Variants in DYDC1 observed in about 807,000 individuals in gnomAD.
DYDC1 encodes DPY30 domain containing 1.
A neutral mutation model predicts 27.9 loss-of-function variants in DYDC1; 21 were observed. The ratio of observed to expected loss-of-function variants is 0.75; its 90% CI spans 0.53 to 1.08. The LOEUF (loss-of-function observed/expected upper bound fraction) is 1.08. Among genes scored for constraint, DYDC1 ranks in the 50% least tolerant of loss-of-function variants. DYDC1 has a pLI of 0.00. For missense variants in DYDC1, 202 were observed against 205.9 expected (o/e 0.98, Z 0.12); for synonymous variants, 67 against 65.8 (o/e 1.02, Z -0.09).
intron 3 of DYDC1, among the ~76,000 whole-genome samples, chr10:80,348,983 C>T (rs78878478): frequency 0.032 from 4,888 of 152,254 alleles, 258 homozygotes; most frequent in African/African-American, 0.11. Flanking sequence ...GCTCCGCCTC[C>T]TGGGTTCGCG....
intron 1 of DYDC1, among the ~76,000 whole-genome samples, chr10:80,353,499 G>A (rs571334178): frequency 2.0e-5 from 3 of 151,518 alleles, no homozygotes; most frequent in African/African-American, 7.3e-5. Context: ...GAAAAATGGA[G>A]CAACCAATCT....
At chr10:80,349,254 G>C (rs899198264) in intron 3 of DYDC1, among the ~76,000 whole-genome samples, 3 of 152,150 alleles carry the variant, frequency 2.0e-5, no homozygotes, top group Non-Finnish European at 2.9e-5. Context: ...CTTCAACCAA[G>C]TGAAATGTTA....
At chr10:80,344,800 C>A in intron 3 of DYDC1, 1 of 283,788 alleles carries the variant, frequency 3.5e-6, no homozygotes, top group East Asian at 1.4e-4. Context: ...TGAGACCTCC[C>A]CAGCAATGTG....
intron 3 of DYDC1, among the ~76,000 whole-genome samples, chr10:80,345,800 T>TATACATATATGTG (rs1425675201): frequency 6.6e-6 from 1 of 152,236 alleles, no homozygotes; most frequent in Admixed American, 6.5e-5. Flanking sequence ...TTCTTTTATA[T>TATACATATATGTG]ATACATATAT....
chr10:80,336,245 A>T (rs1842132252), intron 6 of DYDC1, 60 bp from the exon 7 acceptor site: 1 of 1,503,282 alleles, frequency 6.7e-7, no homozygotes. Context: ...AAAAGGCACA[A>T]GCCAAAGAAA....
In DYDC1 at chr10:80,336,174, G is replaced by A; in HGVS notation, c.516C>T (p.Asn172=). 6 of 1,563,536 alleles carry A rather than the reference G, an allele frequency of 3.8e-6. No individual in the cohort carries two copies. The highest frequency in any genetic ancestry group is 5.2e-6 in the Non-Finnish European group (6 of 1,150,648). Residue 172 remains asparagine (N), a synonymous_variant, in exon 7 of 7, where the codon AAC becomes AAT. Coordinates refer to ENST00000372202, the MANE Select transcript of DYDC1 (RefSeq NM_001269053.2). ...GTTGGTCCTACAAATCTTGATCAATGTTTAATGCAATCTAAAAGCAAAACA... is the reference window on the plus strand; with the variant it reads ...GTTGGTCCTACAAATCTTGATCAATATTTAATGCAATCTAAAAGCAAAACA... ...DEPMFSDIAL[N]IDQDL
At chr10:80,350,047 T>G (rs1321829216) in intron 3 of DYDC1, among the ~76,000 whole-genome samples, 1 of 152,206 alleles carries the variant, frequency 6.6e-6, no homozygotes, top group Non-Finnish European at 1.5e-5. Flanking sequence ...GAGGCCTCTC[T>G]GTTTTTCTTC....
intron 3 of DYDC1, among the ~76,000 whole-genome samples, chr10:80,350,016 A>G (rs890765823): frequency 1.3e-5 from 2 of 152,090 alleles, no homozygotes; most frequent in African/African-American, 4.8e-5. Flanking sequence ...CCTCCAGCTT[A>G]CATGACTCAG....
Position 80,352,581 on chromosome 10 carries a change from T to A in DYDC1, c.21A>T (p.Gln7His), listed in dbSNP as rs1564666987. MESIYLQKHLGACLTQG... is the reference protein window; with the variant it reads MESIYLHKHLGACLTQG... Reference sequence around the variant, plus strand: ...GAGTTAAACAGGCCCCAAGGTGCTTTTGAAGATATATTGACTCCATTTCTA... The same window carrying A: ...GAGTTAAACAGGCCCCAAGGTGCTTATGAAGATATATTGACTCCATTTCTA... Residue 7 changes from glutamine (Q) to histidine (H), a missense_variant, in exon 2 of 7, where the codon CAA (glutamine) becomes CAT (histidine). By Grantham distance (24) the Gln-to-His change is conservative. Transcript: ENST00000372202. 1 of 1,608,950 alleles carries A rather than the reference T, an allele frequency of 6.2e-7. No homozygotes were observed. Among genetic ancestry groups the A allele is most frequent in the Non-Finnish European group, 8.5e-7 (1 of 1,178,732 alleles).
intron 4 of DYDC1, among the ~76,000 whole-genome samples, chr10:80,341,064 A>G (rs1479075884): frequency 2.0e-5 from 3 of 152,194 alleles, no homozygotes; most frequent in Non-Finnish European, 4.4e-5. Flanking sequence ...CATAATGAAC[A>G]TTGTCTATAA....
chr10:80,345,360 T>C (rs1012325224), intron 3 of DYDC1, among the ~76,000 whole-genome samples: 10 of 152,210 alleles, frequency 6.6e-5, no homozygotes, highest in African/African-American at 1.4e-4. Context: ...TTGATATATA[T>C]AGTGAATGCT....
rs764413961 is a variant in DYDC1 at position 80,342,404 on chromosome 10, C to G, written c.250-43G>C. 5.7e-6 allele frequency: 9 copies of G among 1,590,726 alleles called. No homozygotes were observed. The African/African-American group carries it at 1.2e-4, about 21-fold the overall frequency. ...TGTCATATTACAGTTAGATTAATTG[C>G]AAGATAATTAAGTTTATACCCACCT... is the stretch of plus-strand genomic sequence containing the variant. On this transcript the variant is annotated intron_variant, in intron 3 of 6. Coordinates refer to ENST00000372202, the MANE Select transcript of DYDC1 (RefSeq NM_001269053.2).
chr10:80,349,246 TCAAC>T (rs1276077045), intron 3 of DYDC1, among the ~76,000 whole-genome samples: 1 of 152,236 alleles, frequency 6.6e-6, no homozygotes, highest in Non-Finnish European at 1.5e-5. Context: ...ACGCTGAACT[TCAAC>T]CAAGTGAAAT....
At chr10:80,355,919 C>T (rs576242954) in intron 1 of DYDC1, among the ~76,000 whole-genome samples, 3 of 148,938 alleles carry the variant, frequency 2.0e-5, no homozygotes, top group Non-Finnish European at 4.4e-5. Flanking sequence ...CACTGTATTT[C>T]TTCAGTAGGA....
rs148403494 is a variant in DYDC1 at position 80,352,639 on chromosome 10, C to T, written c.-9-29G>A. ...AAAAGTAAGTGTTTTTGCATTACTGCAGGATATTTTCAATAAAGTCACTAT... is the reference window on the plus strand; with the variant it reads ...AAAAGTAAGTGTTTTTGCATTACTGTAGGATATTTTCAATAAAGTCACTAT... On this transcript the variant is annotated intron_variant, in intron 1 of 6. Coordinates refer to ENST00000372202, the MANE Select transcript of DYDC1 (RefSeq NM_001269053.2). 3.0e-5 allele frequency: 48 copies of T among 1,585,778 alleles called. No individual in the cohort carries two copies. The African/African-American group carries it at 5.2e-4, about 17-fold the overall frequency.
At chr10:80,339,532 C>T (rs1247980173) in intron 4 of DYDC1, among the ~76,000 whole-genome samples, 1 of 151,986 alleles carries the variant, frequency 6.6e-6, no homozygotes, top group Non-Finnish European at 1.5e-5. Flanking sequence ...TTGCACATAC[C>T]GAGAAAGAAG....
chr10:80,345,502 G>A (rs970353851), intron 3 of DYDC1, among the ~76,000 whole-genome samples: 4 of 152,146 alleles, frequency 2.6e-5, no homozygotes, highest in South Asian at 4.2e-4. Context: ...TCCTCATGCT[G>A]TACTTTAGAT....
intron 3 of DYDC1, among the ~76,000 whole-genome samples, chr10:80,348,367 T>C (rs960560750): frequency 1.3e-5 from 2 of 152,242 alleles, no homozygotes; most frequent in Non-Finnish European, 2.9e-5. Flanking sequence ...GACTTGATAA[T>C]GTTTCTTAAT....
At chr10:80,337,989 C>A (rs1193068228) in intron 6 of DYDC1, 1 of 745,438 alleles carries the variant, frequency 1.3e-6, no homozygotes, top group Non-Finnish European at 1.6e-6. Context: ...TGACAATAAA[C>A]TCCATAAGGT....
Sources: allele counts gnomAD v4.1 joint callset (sites outside exome capture counted in the v4.1 genomes callset), GRCh38; gene constraint gnomAD v4.1.1; transcripts MANE v1.5; gene names NCBI Gene and HGNC (gene_info 2026-07-23, HGNC 2026-07-21).